The following DISC1 variants were observed in gnomAD, a reference collection of about 807,000 sequenced individuals.
The protein encoded by DISC1 is DISC1 scaffold protein.
DISC1 carries 57 observed loss-of-function variants against 84.5 expected under a neutral mutation model. That is an observed-to-expected ratio of 0.67 (90% CI 0.55 to 0.84). The LOEUF (loss-of-function observed/expected upper bound fraction) is 0.84, where lower values mean the gene tolerates loss of function less well. Ranked by LOEUF, DISC1 falls within the 40% of genes least tolerant of loss-of-function variation. The probability of loss-of-function intolerance (pLI) is 0.00; values close to 1 mark genes in which losing one functional copy is unlikely to be tolerated. For missense variants in DISC1, 1,000 were observed against 1,057.8 expected, an observed-to-expected ratio of 0.95 and a Z score of 0.76; for synonymous variants, 411 against 415.2, an observed-to-expected ratio of 0.99 and a Z score of 0.12.
chr1:231,642,422 C>T (rs952064538), intron 1 of DISC1, among the ~76,000 whole-genome samples: 5 of 152,176 alleles, frequency 3.3e-5, no homozygotes, highest in African/African-American at 4.8e-5. Context: ...GAGGAGGTGC[C>T]GAGAGCGAGC....
At chr1:231,997,070 T>G (rs1666050107) in intron 10 of DISC1, among the ~76,000 whole-genome samples, 1 of 152,222 alleles carries the variant, frequency 6.6e-6, no homozygotes, top group South Asian at 2.1e-4. Context: ...GAAATTATTA[T>G]GTATTATGAA....
chr1:231,918,074 T>C (rs986590545), intron 9 of DISC1, among the ~76,000 whole-genome samples: 1 of 152,240 alleles, frequency 6.6e-6, no homozygotes, highest in Non-Finnish European at 1.5e-5. Context: ...CACAGTCATA[T>C]CCTCAGGGTC....
chr1:231,711,357 C>CTTTTTTTT (rs57262026), intron 3 of DISC1, among the ~76,000 whole-genome samples: 8 of 111,302 alleles, frequency 7.2e-5, no homozygotes, highest in Non-Finnish European at 9.4e-5. Flanking sequence ...GGACATATTT[C>CTTTTTTTT]TTTTTTTTTT....
In DISC1 at chr1:231,770,831, A is replaced by G. The variant is rs1414339347; in HGVS notation, c.1399-4A>G. On this transcript the variant is annotated splice_region_variant and splice_polypyrimidine_tract_variant and intron_variant, in intron 5 of 12. Coordinates refer to ENST00000439617, the MANE Select transcript of DISC1 (RefSeq NM_018662.3). The stretch of plus-strand genomic sequence containing the variant: ...ATAAAATCTTGTCTCCTCATTCTCT[A>G]CAGAAAGAAATCGAAGCTCTCCAAG... 2.5e-6 allele frequency: 4 copies of G among 1,613,672 alleles called. No homozygotes were observed. Among genetic ancestry groups the G allele is most frequent in the East Asian group, 4.5e-5 (2 of 44,890 alleles).
intron 9 of DISC1, among the ~76,000 whole-genome samples, chr1:231,917,023 G>A (rs1394657083): frequency 2.0e-5 from 3 of 150,814 alleles, no homozygotes; most frequent in African/African-American, 7.3e-5. Context: ...TAACTAGTTG[G>A]GCCATCTACA....
chr1:231,714,075 CA>C (rs2068331536), intron 3 of DISC1, among the ~76,000 whole-genome samples: 1 of 151,760 alleles, frequency 6.6e-6, no homozygotes, highest in Admixed American at 6.6e-5. Context: ...GTGTGAAAGT[CA>C]GTCATGTTTT....
rs571682872 is a variant in DISC1, at chr1:231,939,695, G to A, written c.1982-19133G>A. ...TCTTCTTCCAAGCCCCTGAGTATGA[G>A]CTCCTTACCATTGGCATTCCTTCCT... On this transcript the variant is annotated intron_variant, in intron 9 of 12. Transcript: ENST00000439617. Among the ~76,000 whole-genome samples the A allele has an allele frequency of 2.0e-5, 3 of 151,806 alleles. No individual in the cohort carries two copies. The South Asian group carries it at 6.2e-4, about 32-fold the overall frequency.
At chr1:231,666,788 C>T (rs2062063682) in intron 1 of DISC1, among the ~76,000 whole-genome samples, 1 of 152,118 alleles carries the variant, frequency 6.6e-6, no homozygotes. Flanking sequence ...TCGTAATGGG[C>T]TCTGAGGAGG....
intron 11 of DISC1, among the ~76,000 whole-genome samples, chr1:232,015,651 T>A (rs575055348): frequency 6.6e-6 from 1 of 152,294 alleles, no homozygotes; most frequent in East Asian, 1.9e-4. Flanking sequence ...CCCCATAAGC[T>A]GGTCGTGAGC....
intron 8 of DISC1, among the ~76,000 whole-genome samples, chr1:231,803,901 C>T (rs982282365): frequency 5.8e-5 from 7 of 121,172 alleles, no homozygotes; most frequent in Non-Finnish European, 8.0e-5. Flanking sequence ...GAGCCCATAT[C>T]GCGCCACTAC....
At chr1:231,749,500 C>A (rs569849795) in intron 3 of DISC1, among the ~76,000 whole-genome samples, 3 of 152,232 alleles carry the variant, frequency 2.0e-5, no homozygotes, top group Admixed American at 6.5e-5. Context: ...CTGGCTCTAT[C>A]TGGATGTGCA....
chr1:231,694,131 G>A lies in DISC1; in HGVS notation c.373G>A (p.Gly125Ser), dbSNP rs1173208550. 2.5e-6 allele frequency: 4 copies of A among 1,614,078 alleles called. No individual in the cohort carries two copies. Among genetic ancestry groups the A allele is most frequent in the Non-Finnish European group, 3.4e-6 (4 of 1,180,048 alleles). ...GCACTTTGGGATTCAGCTCAGAGGT[G>A]GCACCAGATTGCCTGACAGGCTTAG... ...SAHFGIQLRGGTRLPDRLSWP... is the reference protein window; with the variant it reads ...SAHFGIQLRGSTRLPDRLSWP... Residue 125 changes from glycine (G) to serine (S), a missense_variant, in exon 2 of 13, where the codon GGC (glycine) becomes AGC (serine). By Grantham distance (56) the Gly-to-Ser change is moderately conservative (BLOSUM62 0). Coordinates refer to ENST00000439617, the MANE Select transcript of DISC1 (RefSeq NM_018662.3).
chr1:232,000,315 T>C (rs968761818), intron 10 of DISC1, among the ~76,000 whole-genome samples: 5 of 152,140 alleles, frequency 3.3e-5, no homozygotes, highest in African/African-American at 1.2e-4. Context: ...AATAAAAATC[T>C]CACTGCATAG....
At chr1:231,949,272 G>A (rs1308058789) in intron 9 of DISC1, among the ~76,000 whole-genome samples, 2 of 152,158 alleles carry the variant, frequency 1.3e-5, no homozygotes, top group African/African-American at 2.4e-5. Context: ...GCCGGGGCAC[G>A]TTGTCTTAGC....
chr1:231,868,453 C>G (rs945463425), intron 9 of DISC1, among the ~76,000 whole-genome samples: 1 of 152,028 alleles, frequency 6.6e-6, no homozygotes, highest in African/African-American at 2.4e-5. Context: ...CTTAGACCAG[C>G]CTTTAACTAT....
chr1:231,884,566 G>A (rs1324597484), intron 9 of DISC1, among the ~76,000 whole-genome samples: 2 of 152,096 alleles, frequency 1.3e-5, no homozygotes, highest in Non-Finnish European at 2.9e-5. Flanking sequence ...ACATACGCGT[G>A]CATGTGACTT....
chr1:231,759,846 T>C (rs912317547), intron 4 of DISC1, among the ~76,000 whole-genome samples: 2 of 152,176 alleles, frequency 1.3e-5, no homozygotes, highest in African/African-American at 2.4e-5. Context: ...CCCTTAGTCA[T>C]GGCCTCAATA....
rs2065387319 is a variant in DISC1 at position 231,694,315 on chromosome 1, G to A, written c.557G>A (p.Ser186Asn). ...CCATCAGCAGAGTTGAGTAGCAACA[G>A]CTGCAGCCCTGGCTGTGGCCCTGAG... Reference protein sequence around the residue: ...SLPSAELSSNSCSPGCGPEVP... With the variant: ...SLPSAELSSNNCSPGCGPEVP... Residue 186 changes from serine (S) to asparagine (N), a missense_variant, in exon 2 of 13, where the codon AGC (serine) becomes AAC (asparagine). Coordinates refer to ENST00000439617, the MANE Select transcript of DISC1 (RefSeq NM_018662.3). 1 of 1,614,292 alleles carries A rather than the reference G, an allele frequency of 6.2e-7. No individual in the cohort carries two copies. The highest frequency in any genetic ancestry group is 8.5e-7 in the Non-Finnish European group (1 of 1,180,052).
chr1:231,833,420 G>A (rs917870728), intron 9 of DISC1, among the ~76,000 whole-genome samples: 3 of 151,658 alleles, frequency 2.0e-5, no homozygotes, highest in African/African-American at 7.3e-5. Context: ...CCCAAATCTC[G>A]GCATCCATGA....
Sources: allele counts gnomAD v4.1 joint callset (sites outside exome capture counted in the v4.1 genomes callset), GRCh38; gene constraint gnomAD v4.1.1; transcripts MANE v1.5; gene names NCBI Gene and HGNC (gene_info 2026-07-23, HGNC 2026-07-21).